The following MPPED2 variants were observed in gnomAD, a reference collection of about 807,000 sequenced individuals.
MPPED2 encodes metallophosphoesterase domain containing 2, also known as metallophosphoesterase MPPED2.
MPPED2 carries 5 observed loss-of-function variants against 33.0 expected under a neutral mutation model. The ratio of observed to expected loss-of-function variants is 0.15; its 90% CI spans 0.08 to 0.32. The LOEUF is 0.32. MPPED2 is among the 10% of genes least tolerant of loss of function. The pLI is 1.00. For synonymous variants in MPPED2, 136 were observed against 141.9 expected (o/e 0.96, Z 0.29); for missense variants, 275 against 372.1 (o/e 0.74, Z 2.15).
chr11:30,494,430 C>T (rs1158355637), intron 4 of MPPED2, among the ~76,000 whole-genome samples: 1 of 151,942 alleles, frequency 6.6e-6, no homozygotes, highest in Non-Finnish European at 1.5e-5. Context: ...ATTTAACCAA[C>T]CAAGGATAGA....
At chr11:30,470,323 T>C (rs940089888) in intron 4 of MPPED2, among the ~76,000 whole-genome samples, 1 of 152,128 alleles carries the variant, frequency 6.6e-6, no homozygotes, top group African/African-American at 2.4e-5. Context: ...TTGAAGAATA[T>C]ATAAATTATA....
intron 3 of MPPED2, among the ~76,000 whole-genome samples, chr11:30,503,484 C>T (rs1952663812): frequency 6.6e-6 from 1 of 152,156 alleles, no homozygotes; most frequent in Non-Finnish European, 1.5e-5. Flanking sequence ...TCGTGGTTAA[C>T]ACCAAATATC....
chr11:30,384,768 T>C (rs1160434506), exon 7 of MPPED2: 1 of 152,190 alleles, frequency 6.6e-6, no homozygotes, highest in African/African-American at 2.4e-5. Context: ...ATACCCAGGT[T>C]CTTTTAAAAG....
At chr11:30,401,577 G>A (rs1264403779) in intron 6 of MPPED2, among the ~76,000 whole-genome samples, 3 of 152,212 alleles carry the variant, frequency 2.0e-5, no homozygotes, top group Non-Finnish European at 4.4e-5. Context: ...CTGGGTAGCA[G>A]AAGCATTTTC....
At chr11:30,384,152 C>CA (rs11427933), downstream of MPPED2, among the ~76,000 whole-genome samples, 53,886 of 151,836 alleles carry the variant, frequency 0.35, 9,847 homozygotes, top group Non-Finnish European at 0.39. Context: ...ATGCTGATTA[C>CA]AAAAAACAAA....
At chr11:30,414,608 A>G (rs1452828605) in intron 5 of MPPED2, among the ~76,000 whole-genome samples, 1 of 151,042 alleles carries the variant, frequency 6.6e-6, no homozygotes, top group African/African-American at 2.4e-5. Flanking sequence ...TTATTCAGCC[A>G]TGGGTTTCAA....
At chr11:30,535,261 G>C (rs1382755841) in intron 3 of MPPED2, among the ~76,000 whole-genome samples, 2 of 152,000 alleles carry the variant, frequency 1.3e-5, no homozygotes, top group Non-Finnish European at 2.9e-5. Context: ...CCAGAGTGAC[G>C]TCTGCTCTTT....
intron 3 of MPPED2, among the ~76,000 whole-genome samples, chr11:30,534,087 G>A (rs1198261670): frequency 4.6e-5 from 7 of 152,078 alleles, no homozygotes; most frequent in African/African-American, 9.7e-5. Context: ...TTAATCCTTC[G>A]TCCTGCAGAG....
intron 4 of MPPED2, among the ~76,000 whole-genome samples, chr11:30,462,749 T>C (rs1950557427): frequency 6.6e-6 from 1 of 152,218 alleles, no homozygotes; most frequent in African/African-American, 2.4e-5. Flanking sequence ...GCCACTGTAG[T>C]ATTTTTAATT....
At chr11:30,487,180 T>C (rs1331959396) in intron 4 of MPPED2, among the ~76,000 whole-genome samples, 1 of 152,112 alleles carries the variant, frequency 6.6e-6, no homozygotes, top group Non-Finnish European at 1.5e-5. Flanking sequence ...AGCCTATTAG[T>C]GTAATAGGAG....
intron 4 of MPPED2, among the ~76,000 whole-genome samples, chr11:30,446,790 C>T (rs1276671636): frequency 6.6e-6 from 1 of 152,130 alleles, no homozygotes; most frequent in Admixed American, 6.6e-5. Context: ...AATTTGTTTG[C>T]CAAGACTGTC....
intron 3 of MPPED2, among the ~76,000 whole-genome samples, chr11:30,512,183 G>A (rs1318648419): frequency 6.6e-6 from 1 of 152,150 alleles, no homozygotes; most frequent in Non-Finnish European, 1.5e-5. Flanking sequence ...GAGGGAAGAT[G>A]TCCTCATGAC....
intron 4 of MPPED2, among the ~76,000 whole-genome samples, chr11:30,460,984 A>T (rs1006706064): frequency 6.6e-6 from 1 of 152,248 alleles, no homozygotes; most frequent in African/African-American, 2.4e-5. Context: ...CCATGTGTCC[A>T]TTGACGAATG....
intron 5 of MPPED2, among the ~76,000 whole-genome samples, chr11:30,416,028 T>C (rs1018864717): frequency 1.3e-5 from 2 of 152,230 alleles, no homozygotes; most frequent in South Asian, 4.1e-4. Context: ...GATCACAATA[T>C]TTAGCTAGCA....
chr11:30,522,419 CA>C (rs1565150588), intron 3 of MPPED2, among the ~76,000 whole-genome samples: 3 of 147,720 alleles, frequency 2.0e-5, no homozygotes, highest in Non-Finnish European at 4.5e-5. Flanking sequence ...CACACACACA[CA>C]CACCTAGAAA....
intron 4 of MPPED2, among the ~76,000 whole-genome samples, chr11:30,421,273 A>G (rs1244683228): frequency 1.3e-5 from 2 of 152,192 alleles, no homozygotes; most frequent in Non-Finnish European, 2.9e-5. Flanking sequence ...CCCCCAGGAA[A>G]TCCTCAGTTT....
chr11:30,424,418 C>T (rs761057987), intron 4 of MPPED2, among the ~76,000 whole-genome samples: 5 of 152,202 alleles, frequency 3.3e-5, no homozygotes, highest in African/African-American at 4.8e-5. Context: ...CCATCGGCCC[C>T]TCTCCGACTG....
intron 4 of MPPED2, among the ~76,000 whole-genome samples, chr11:30,428,732 T>C (rs1380257522): frequency 1.3e-5 from 2 of 152,154 alleles, no homozygotes; most frequent in Non-Finnish European, 2.9e-5. Context: ...AAAACGGAGA[T>C]AAAAATAGCA....
At chr11:30,461,441 G>A (rs924048008) in intron 4 of MPPED2, among the ~76,000 whole-genome samples, 6 of 152,220 alleles carry the variant, frequency 3.9e-5, no homozygotes, top group Admixed American at 3.9e-4. Flanking sequence ...CGCTGCACCA[G>A]AGATGCTACA....
Sources: allele counts gnomAD v4.1 joint callset (sites outside exome capture counted in the v4.1 genomes callset), GRCh38; gene constraint gnomAD v4.1.1; transcripts MANE v1.5; gene names NCBI Gene and HGNC (gene_info 2026-07-23, HGNC 2026-07-21).